The following CCDC33 variants were observed in gnomAD, a reference collection of about 807,000 sequenced individuals.
CCDC33 encodes coiled-coil domain-containing protein 33.
A neutral mutation model predicts 91.9 loss-of-function variants in CCDC33; 94 were observed. The observed-to-expected ratio is 1.02, with a 90% confidence interval of 0.87 to 1.21. The LOEUF (loss-of-function observed/expected upper bound fraction) is 1.21, where lower values mean the gene tolerates loss of function less well. Ranked by LOEUF, CCDC33 falls within the 50% of genes most tolerant of loss-of-function variation. The probability of loss-of-function intolerance (pLI) is 0.00; values close to 1 mark genes in which losing one functional copy is unlikely to be tolerated. For synonymous variants in CCDC33, 396 were observed against 374.5 expected (o/e 1.06, Z -0.66); for missense variants, 940 against 935.5 (o/e 1.00, Z -0.06).
At chr15:74,289,512 G>A (rs2059545457) in intron 10 of CCDC33, among the ~76,000 whole-genome samples, 1 of 152,172 alleles carries the variant, frequency 6.6e-6, no homozygotes. Context: ...TCAGGAGTTC[G>A]AGACCAGCCC....
At chr15:74,226,426 A>C (rs2074798179) in intron 2 of CCDC33, among the ~76,000 whole-genome samples, 1 of 152,182 alleles carries the variant, frequency 6.6e-6, no homozygotes, top group Non-Finnish European at 1.5e-5. Context: ...AGTGAGGAAG[A>C]GATTGGGAAA....
At chr15:74,287,622 G>C (rs1022948429) in intron 10 of CCDC33, among the ~76,000 whole-genome samples, 5 of 152,136 alleles carry the variant, frequency 3.3e-5, no homozygotes, top group Non-Finnish European at 7.4e-5. Context: ...AGGAGTTTGA[G>C]ACCAGCCTGG....
intron 1 of CCDC33, chr15:74,209,141 C>A: frequency 7.6e-7 from 1 of 1,309,388 alleles, no homozygotes; most frequent in Non-Finnish European, 9.9e-7. Context: ...ACCCCACCCC[C>A]ATCTCCAGCT....
intron 1 of CCDC33, chr15:74,203,194 G>C (rs571810461): frequency 8.1e-5 from 79 of 980,492 alleles, no homozygotes; most frequent in Non-Finnish European, 9.2e-5. Context: ...GGCAACATGT[G>C]TCTCATTGGT....
intron 11 of CCDC33, among the ~76,000 whole-genome samples, chr15:74,318,096 A>C (rs1181021859): frequency 2.8e-5 from 3 of 108,964 alleles, no homozygotes; most frequent in Non-Finnish European, 5.9e-5. Flanking sequence ...CGGGGTGGGG[A>C]GGACTCCTGA....
intron 2 of CCDC33, among the ~76,000 whole-genome samples, chr15:74,228,774 G>A (rs117697979): frequency 1.3e-5 from 2 of 152,342 alleles, no homozygotes; most frequent in East Asian, 3.9e-4. Flanking sequence ...TGTTTTCCAG[G>A]CTCCTCTCTT....
At chr15:74,335,582 C>T in intron 18 of CCDC33, 1 of 339,200 alleles carries the variant, frequency 2.9e-6, no homozygotes, top group Non-Finnish European at 5.5e-6. Context: ...AACCCCGGGA[C>T]CGCCCAGCCC....
rs890250748 is a variant in CCDC33 at position 74,218,558 on chromosome 15, C to G, written c.372C>G (p.Asp124Glu). The change falls in exon 2 of 3, where the codon GAC becomes GAG. Residue 124 changes from aspartate (D) to glutamate (E), a missense_variant. Physicochemically the swap from Asp to Glu is conservative, Grantham distance 45 (BLOSUM62 2). Transcript: ENST00000635913. This position sits in a 1 kb window ranked among gnomAD's most constrained non-coding sequence, Gnocchi z 4.8. ...TGCATGTGGAGGCACTGAGGCTGGACGAACCCTTGGGACGGGCAGCCCAGC... is the reference window on the plus strand; with the variant it reads ...TGCATGTGGAGGCACTGAGGCTGGAGGAACCCTTGGGACGGGCAGCCCAGC... The G allele has an allele frequency of 3.1e-6, 4 of 1,289,598 alleles. No homozygotes were observed. The highest frequency in any genetic ancestry group is 4.0e-6 in the Non-Finnish European group (4 of 988,832). The allele number at this position is 1,289,598 out of a possible 1,614,324, so 79.9% of individuals were successfully genotyped here.
At chr15:74,283,169 C>T (rs559810139) in intron 10 of CCDC33, among the ~76,000 whole-genome samples, 2 of 152,168 alleles carry the variant, frequency 1.3e-5, no homozygotes, top group Non-Finnish European at 2.9e-5. Context: ...CAGGATTGCC[C>T]TCTCAAGGGT....
intron 17 of CCDC33, among the ~76,000 whole-genome samples, chr15:74,334,320 CA>C (rs1436761129): frequency 6.6e-6 from 1 of 150,762 alleles, no homozygotes; most frequent in Non-Finnish European, 1.5e-5. Flanking sequence ...GGTCAGGGCT[CA>C]GTGTACAACC....
chr15:74,331,351 G>A (rs763482705), intron 15 of CCDC33, 55 bp downstream of exon 15: 286 of 1,568,846 alleles, frequency 1.8e-4, no homozygotes, highest in Non-Finnish European at 2.4e-4. Flanking sequence ...ACCCCTGGAG[G>A]CCCTGCCTTC....
chr15:74,203,177 T>A, intron 1 of CCDC33: 1 of 985,358 alleles, frequency 1.0e-6, no homozygotes, highest in Non-Finnish European at 1.2e-6. Context: ...AGGGTTTCCA[T>A]GAAGGAGGCA....
intron 7 of CCDC33, among the ~76,000 whole-genome samples, chr15:74,277,107 T>TA (rs2076469894): frequency 6.6e-6 from 1 of 152,346 alleles, no homozygotes; most frequent in South Asian, 2.1e-4. Context: ...AAGTTGAACT[T>TA]ACATCTTAAT....
At chr15:74,318,655 C>T (rs1007560476) in intron 11 of CCDC33, 2 of 769,714 alleles carry the variant, frequency 2.6e-6, no homozygotes, top group Non-Finnish European at 4.8e-6. Context: ...TTGACAGCTT[C>T]TCTGTAAGTC....
At position 74,271,773 on chromosome 15, in the gene CCDC33, T is replaced by C. The variant is rs766547959; in HGVS notation, c.617T>C (p.Val206Ala). The C allele has an allele frequency of 1.2e-6, 2 of 1,613,822 alleles. No homozygotes were observed. The highest frequency in any genetic ancestry group is 8.5e-7 in the Non-Finnish European group (1 of 1,179,804). The change falls in exon 6 of 19, where the codon GTT becomes GCT. Residue 206 changes from valine (V) to alanine (A), a missense_variant. Val to Ala is a moderately conservative substitution (Grantham distance 64). Transcript: ENST00000398814. ...CCCATAGTGGTGATTGCCCGGGTCG[T>C]TCCCAACTACAAGGAATTTAAGTGA... The part of the protein sequence containing the change: ...PNPIVVIARV[V>A]PNYKEFKVSQ...
chr15:74,224,383 C>G (rs1421309554), intron 2 of CCDC33, among the ~76,000 whole-genome samples: 3 of 152,204 alleles, frequency 2.0e-5, no homozygotes, highest in African/African-American at 7.2e-5. Flanking sequence ...ATGGACGAGA[C>G]TCAAAATTGC....
intron 1 of CCDC33, among the ~76,000 whole-genome samples, chr15:74,238,966 C>T (rs1301702123): frequency 6.6e-6 from 1 of 152,216 alleles, no homozygotes; most frequent in Non-Finnish European, 1.5e-5. Context: ...TGTGAAAGAG[C>T]TTTCCCCTGG....
At chr15:74,273,918 G>A (rs1351963964) in intron 7 of CCDC33, among the ~76,000 whole-genome samples, 2 of 144,176 alleles carry the variant, frequency 1.4e-5, no homozygotes, top group Non-Finnish European at 3.0e-5. Flanking sequence ...AGCAACCTCC[G>A]CCTCCCAGGT....
At chr15:74,331,665 T>G (rs753110812) in intron 15 of CCDC33, among the ~76,000 whole-genome samples, 1 of 152,190 alleles carries the variant, frequency 6.6e-6, no homozygotes, top group Non-Finnish European at 1.5e-5. Flanking sequence ...CCAGGATCCG[T>G]CGAATTATTT....
Sources: allele counts gnomAD v4.1 joint callset (sites outside exome capture counted in the v4.1 genomes callset), GRCh38; gene constraint gnomAD v4.1.1; non-coding constraint Gnocchi (gnomAD v3.1); transcripts MANE v1.5; gene names NCBI Gene and HGNC (gene_info 2026-07-23, HGNC 2026-07-21).